MPC2: variants seen among roughly 807,000 people sequenced by gnomAD.
The protein encoded by MPC2 is mitochondrial pyruvate carrier 2.
MPC2 carries 19 observed loss-of-function variants against 19.2 expected under a neutral mutation model. That is an observed-to-expected ratio of 0.99 (90% CI 0.69 to 1.45). The LOEUF (loss-of-function observed/expected upper bound fraction) is 1.45, where lower values mean the gene tolerates loss of function less well. Ranked by LOEUF, MPC2 falls within the 40% of genes most tolerant of loss-of-function variation. The pLI is 0.00. For synonymous variants in MPC2, 61 were observed against 54.3 expected (o/e 1.12, Z -0.54); for missense variants, 122 against 153.0 (o/e 0.80, Z 1.07).
At chr1:167,932,047 TA>T (rs1299448523) in intron 2 of MPC2, among the ~76,000 whole-genome samples, 1 of 152,180 alleles carries the variant, frequency 6.6e-6, no homozygotes, top group African/African-American at 2.4e-5. Context: ...TTCACAGAAC[TA>T]TTTTTTCAAA....
intron 1 of MPC2, 147 bp downstream of exon 1, chr1:167,936,792 C>G: frequency 1.1e-6 from 1 of 884,390 alleles, no homozygotes. Context: ...TAACGCTGCG[C>G]CCTGGAGGCC....
rs112580237 is a variant in MPC2, at chr1:167,931,340, T to C, written c.109+4393A>G. ...TGCCAGAACAGTGTCTAATATACAA[T>C]AGGCCCTCAATAAATATTGAATAAT... On this transcript the variant is annotated intron_variant, in intron 2 of 5. Transcript: ENST00000271373. Among the ~76,000 whole-genome samples the C allele has an allele frequency of 2.9e-3, 447 of 152,320 alleles. 1 individual carries two copies. The highest frequency in any genetic ancestry group is 0.01 in the African/African-American group (425 of 41,564).
intron 2 of MPC2, among the ~76,000 whole-genome samples, chr1:167,926,305 A>G (rs1670754172): frequency 6.6e-6 from 1 of 152,184 alleles, no homozygotes; most frequent in Non-Finnish European, 1.5e-5. Context: ...AAACCTATCT[A>G]TATTCAGTTT....
At chr1:167,935,177 G>A (rs1004661201) in intron 2 of MPC2, among the ~76,000 whole-genome samples, 1 of 152,074 alleles carries the variant, frequency 6.6e-6, no homozygotes, top group African/African-American at 2.4e-5. Context: ...CATAAATAAG[G>A]ATAGACTTAA....
intron 3 of MPC2, among the ~76,000 whole-genome samples, chr1:167,921,608 T>C (rs1670603075): frequency 6.6e-6 from 1 of 152,214 alleles, no homozygotes; most frequent in Non-Finnish European, 1.5e-5. Flanking sequence ...ATTGCACTCA[T>C]GCGTTTTTGC....
intron 2 of MPC2, among the ~76,000 whole-genome samples, chr1:167,933,880 T>G (rs901784643): frequency 7.9e-5 from 12 of 152,164 alleles, no homozygotes; most frequent in African/African-American, 2.9e-4. Context: ...TTATTGAGAG[T>G]CTAAGTGCAA....
chr1:167,928,340 C>T (rs916355292), intron 2 of MPC2, among the ~76,000 whole-genome samples: 1 of 148,402 alleles, frequency 6.7e-6, no homozygotes, highest in African/African-American at 2.5e-5. Context: ...AAAAAAGTCA[C>T]ACAATGGGTT....
chr1:167,936,223 A>G (rs1453179747), intron 1 of MPC2: 3 of 243,094 alleles, frequency 1.2e-5, no homozygotes, highest in Non-Finnish European at 2.4e-5. Flanking sequence ...GGCGGGGTCG[A>G]GCGGAAACCT....
chr1:167,931,681 C>T (rs1325817979), intron 2 of MPC2, among the ~76,000 whole-genome samples: 1 of 151,986 alleles, frequency 6.6e-6, no homozygotes, highest in Non-Finnish European at 1.5e-5. Flanking sequence ...GGTACGTACA[C>T]TCATTATTTG....
At chr1:167,925,359 T>C (rs1252464686) in intron 2 of MPC2, among the ~76,000 whole-genome samples, 1 of 149,376 alleles carries the variant, frequency 6.7e-6, no homozygotes, top group Non-Finnish European at 1.5e-5. Flanking sequence ...AGTTAGCCAG[T>C]AGAGTTGGAA....
At chr1:167,934,250 T>C (rs1424591137) in intron 2 of MPC2, among the ~76,000 whole-genome samples, 1 of 152,188 alleles carries the variant, frequency 6.6e-6, no homozygotes, top group Non-Finnish European at 1.5e-5. Context: ...CCCTCCAATT[T>C]TGTATTATTT....
chr1:167,925,462 TATATATATATATAC>T (rs1395095001), intron 2 of MPC2, among the ~76,000 whole-genome samples: 1,756 of 119,506 alleles, frequency 0.015, 48 homozygotes, highest in African/African-American at 0.06. Flanking sequence ...TATATATATA[TATATATATATATAC>T]ATATACATAT....
chr1:167,928,482 A>AAT (rs1386463692), intron 2 of MPC2, among the ~76,000 whole-genome samples: 1 of 152,256 alleles, frequency 6.6e-6, no homozygotes, highest in Admixed American at 6.5e-5. Context: ...TTAGACATAT[A>AAT]TAAAACAGAT....
At chr1:167,927,112 C>CTTGATTAGCT (rs1670782394) in intron 2 of MPC2, among the ~76,000 whole-genome samples, 1 of 152,218 alleles carries the variant, frequency 6.6e-6, no homozygotes, top group Admixed American at 6.5e-5. Flanking sequence ...AGGATAGATG[C>CTTGATTAGCT]TAATCAAAGA....
rs1378107957 is a variant in MPC2, at chr1:167,917,065, ATAACT to A, written c.*1253_*1257del. On this transcript the variant is annotated 3_prime_UTR_variant, in exon 6 of 6. Transcript: ENST00000271373. ...TTGTCTCATTTCTTCAAATTTTGAA[ATAACT>A]TGCTTTGCTGACTCATCTGACTATA... The A allele has an allele frequency of 2.0e-5, 3 of 152,256 alleles. No individual in the cohort carries two copies. Among genetic ancestry groups the A allele is most frequent in the Non-Finnish European group, 4.4e-5 (3 of 68,042 alleles). The allele number at this position is 152,256 out of a possible 1,614,324, so 9.4% of individuals were successfully genotyped here. A position where few individuals can be genotyped will look rare whatever the true frequency, so the allele number is the denominator to read the frequency against.
At chr1:167,924,602 G>T in intron 2 of MPC2, 65 bp from the exon 3 acceptor site, 2 of 1,173,678 alleles carry the variant, frequency 1.7e-6, no homozygotes, top group East Asian at 2.7e-5. Context: ...TCTTTTAACA[G>T]CTGTCACCAA....
At chr1:167,935,603 G>T in intron 2 of MPC2, 130 bp downstream of exon 2, 1 of 704,428 alleles carries the variant, frequency 1.4e-6, no homozygotes, top group Non-Finnish European at 2.5e-6. Flanking sequence ...AGAGTAGACG[G>T]CTTCACTTGA....
intron 2 of MPC2, among the ~76,000 whole-genome samples, chr1:167,925,442 C>CGTATATATATATATATATATATATAT (rs1553200802): frequency 1.2e-5 from 1 of 82,478 alleles, no homozygotes; most frequent in Non-Finnish European, 2.3e-5. Flanking sequence ...TACATATACA[C>CGTATATATATATATATATATATATAT]ATATATATAT....
chr1:167,932,824 A>G (rs1437112467), intron 2 of MPC2, among the ~76,000 whole-genome samples: 3 of 150,758 alleles, frequency 2.0e-5, no homozygotes, highest in African/African-American at 4.9e-5. Context: ...AAAAAAAAAA[A>G]AAAGAAAAGA....
Sources: allele counts gnomAD v4.1 joint callset (sites outside exome capture counted in the v4.1 genomes callset), GRCh38; gene constraint gnomAD v4.1.1; transcripts MANE v1.5; gene names NCBI Gene and HGNC (gene_info 2026-07-23, HGNC 2026-07-21).